QTGAL: variants seen among roughly 807,000 people sequenced by gnomAD.
QTGAL encodes the protein BGnT-like protein 1.
At chr17:83,023,995 G>C in the QTGAL span, among the ~76,000 whole-genome samples, 2 of 152,242 alleles carry the variant, frequency 1.3e-5, no homozygotes, top group African/African-American at 4.8e-5. Flanking sequence ...TACCTCGCCA[G>C]AGCAAACACC....
the QTGAL span, among the ~76,000 whole-genome samples, chr17:82,974,866 G>A: frequency 1.3e-5 from 2 of 152,216 alleles, no homozygotes; most frequent in African/African-American, 4.8e-5. Flanking sequence ...GTGGGGCTGG[G>A]ACAGAGCCCG....
the QTGAL span, among the ~76,000 whole-genome samples, chr17:83,042,218 T>G: frequency 6.6e-6 from 1 of 152,102 alleles, no homozygotes; most frequent in Non-Finnish European, 1.5e-5. Context: ...AATACAAAAC[T>G]TACGCAGGCG....
At chr17:83,027,737 C>T in the QTGAL span, among the ~76,000 whole-genome samples, 2,027 of 137,276 alleles carry the variant, frequency 0.015, 49 homozygotes, top group African/African-American at 0.052. Context: ...AAGCCACTTA[C>T]AGGGAAAAAA....
chr17:82,963,100 T>A, the QTGAL span, among the ~76,000 whole-genome samples: 1 of 152,026 alleles, frequency 6.6e-6, no homozygotes, highest in Admixed American at 6.5e-5. Flanking sequence ...GTGGAGGAAG[T>A]GTGGCCGCCG....
the QTGAL span, among the ~76,000 whole-genome samples, chr17:82,998,424 C>A: frequency 6.6e-6 from 1 of 152,212 alleles, no homozygotes; most frequent in Non-Finnish European, 1.5e-5. Flanking sequence ...CGGCTCACTG[C>A]AAGCTCTGCC....
At chr17:82,961,028 C>G in the QTGAL span, 1 of 1,593,668 alleles carries the variant, frequency 6.3e-7, no homozygotes, top group Non-Finnish European at 8.5e-7. Context: ...GCCTCTCAGG[C>G]GTCCCGGGGC....
chr17:83,038,546 C>G, the QTGAL span, among the ~76,000 whole-genome samples: 1 of 152,202 alleles, frequency 6.6e-6, no homozygotes, highest in South Asian at 2.1e-4. Flanking sequence ...GCAAAACTCT[C>G]TCTAATATTC....
At chr17:82,948,202 G>A in the QTGAL span, 1 of 152,068 alleles carries the variant, frequency 6.6e-6, no homozygotes, top group South Asian at 2.1e-4. Context: ...GGGGGTTGTT[G>A]GTCAGACTCA....
chr17:82,978,473 G>A, the QTGAL span: 5 of 152,084 alleles, frequency 3.3e-5, no homozygotes, highest in Non-Finnish European at 7.3e-5. The surrounding 1 kb of genome is among the most constrained non-coding windows in gnomAD (Gnocchi z 4.8). Context: ...TTCCGCTGCT[G>A]TGAGTGAGGA....
the QTGAL span, among the ~76,000 whole-genome samples, chr17:82,972,456 T>C: frequency 1.4e-3 from 155 of 108,198 alleles, 1 homozygote; most frequent in African/African-American, 6.2e-3. Flanking sequence ...GACCTGGTGC[T>C]GACCACACCA....
the QTGAL span, among the ~76,000 whole-genome samples, chr17:82,959,466 G>C: frequency 5.7e-5 from 1 of 17,658 alleles, no homozygotes; most frequent in Non-Finnish European, 1.1e-4. Context: ...CACGTGCAGT[G>C]TGTGTGTGTG....
At chr17:82,947,045 C>T in the QTGAL span, 2 of 1,446,934 alleles carry the variant, frequency 1.4e-6, no homozygotes, top group Non-Finnish European at 1.9e-6. Context: ...CACTGTGGAG[C>T]CTCCTCCAGG....
chr17:82,996,441 G>A, the QTGAL span, among the ~76,000 whole-genome samples: 1 of 149,974 alleles, frequency 6.7e-6, no homozygotes, highest in South Asian at 2.1e-4. Flanking sequence ...AGAATCACTC[G>A]AACCCTGGAG....
the QTGAL span, among the ~76,000 whole-genome samples, chr17:82,979,882 G>A: frequency 7.9e-5 from 12 of 152,292 alleles, 1 homozygote; most frequent in South Asian, 2.3e-3. Context: ...CAGACACACA[G>A]GTCAATGGAC....
the QTGAL span, among the ~76,000 whole-genome samples, chr17:82,957,872 C>T: frequency 1.6e-4 from 25 of 152,304 alleles, no homozygotes; most frequent in Admixed American, 9.1e-4. Context: ...AAAATCCCAG[C>T]GTTCACACTT....
chr17:82,974,718 T>C, the QTGAL span, among the ~76,000 whole-genome samples: 2 of 152,072 alleles, frequency 1.3e-5, no homozygotes, highest in Admixed American at 1.3e-4. Context: ...GGGGGCCACA[T>C]TCCCTTCCAG....
the QTGAL span, among the ~76,000 whole-genome samples, chr17:82,951,883 G>GATT: frequency 6.6e-6 from 1 of 151,982 alleles, no homozygotes; most frequent in East Asian, 1.9e-4. Flanking sequence ...ATTCATATGG[G>GATT]CGCCCCGAGA....
At chr17:82,960,387 CG>C in the QTGAL span, 1 of 152,244 alleles carries the variant, frequency 6.6e-6, no homozygotes, top group African/African-American at 2.4e-5. Context: ...AAGCCTCGGA[CG>C]GCGGCCTGCT....
chr17:83,012,711 C>G, the QTGAL span, among the ~76,000 whole-genome samples: 1 of 152,138 alleles, frequency 6.6e-6, no homozygotes, highest in Non-Finnish European at 1.5e-5. Context: ...AAAGGCCCTC[C>G]TGGAAACCCC....
Sources: allele counts gnomAD v4.1 joint callset (sites outside exome capture counted in the v4.1 genomes callset), GRCh38; gene constraint gnomAD v4.1.1; non-coding constraint Gnocchi (gnomAD v3.1); transcripts MANE v1.5; gene names NCBI Gene and HGNC (gene_info 2026-07-23, HGNC 2026-07-21).